CTTNBP2NL: variants seen among roughly 807,000 people sequenced by gnomAD.
CTTNBP2NL encodes CTTNBP2 N-terminal-like protein.
CTTNBP2NL carries 16 observed loss-of-function variants against 32.5 expected under a neutral mutation model. The observed-to-expected ratio is 0.49, with a 90% confidence interval of 0.33 to 0.75. The LOEUF is 0.75. Among genes scored for constraint, CTTNBP2NL ranks in the 30% least tolerant of loss-of-function variants. The probability of loss-of-function intolerance (pLI) is 0.02; values close to 1 mark genes in which losing one functional copy is unlikely to be tolerated. For synonymous variants in CTTNBP2NL, 298 were observed against 289.4 expected, an observed-to-expected ratio of 1.03 and a Z score of -0.30; for missense variants, 645 against 756.0, an observed-to-expected ratio of 0.85 and a Z score of 1.72.
intron 4 of CTTNBP2NL, among the ~76,000 whole-genome samples, chr1:112,452,335 CT>C (rs1157736195): frequency 0.21 from 13,505 of 65,600 alleles, 978 homozygotes; most frequent in East Asian, 0.37. Flanking sequence ...CCAGTCTCTT[CT>C]TTTTTTTTTT....
At chr1:112,454,339 G>GT in intron 4 of CTTNBP2NL, 110 bp from the exon 5 acceptor site, 1 of 736,798 alleles carries the variant, frequency 1.4e-6, no homozygotes, top group South Asian at 1.8e-5. Flanking sequence ...TCGTTTGTTT[G>GT]TTTGATCTCT....
chr1:112,437,790 TG>T (rs1271950683), intron 3 of CTTNBP2NL, among the ~76,000 whole-genome samples: 4 of 152,186 alleles, frequency 2.6e-5, no homozygotes, highest in Non-Finnish European at 5.9e-5. Flanking sequence ...CCCAAAGTCC[TG>T]GGATTGCAGG....
Position 112,454,472 on chromosome 1 carries a change from A to G in CTTNBP2NL, c.354A>G (p.Glu118=). 6.2e-7 allele frequency: 1 copy of G among 1,613,996 alleles called. No individual in the cohort carries two copies. The highest frequency in any genetic ancestry group is 8.5e-7 in the Non-Finnish European group (1 of 1,179,860). The change falls in exon 5 of 6, where the codon GAA becomes GAG. Residue 118 remains glutamate, a synonymous_variant. Coordinates refer to ENST00000271277, the MANE Select transcript of CTTNBP2NL (RefSeq NM_018704.3). The part of the protein sequence containing the change: ...HRKVILDLEE[E]RQRHAQDTAE... ...AGGTGATCCTAGACCTTGAGGAAGA[A>G]AGGCAGCGGCATGCACAGGATACGG...
In CTTNBP2NL at chr1:112,461,002, A is replaced by G. The variant is rs981809704; in HGVS notation, c.*3590A>G. On this transcript the variant is annotated 3_prime_UTR_variant, in exon 6 of 6. Coordinates refer to ENST00000271277, the MANE Select transcript of CTTNBP2NL (RefSeq NM_018704.3). ...TTCAAAACACTGGCTTCAAAATAGGATGTGTTTTCCTAATGAATCAGAAGT... is the reference window on the plus strand; with the variant it reads ...TTCAAAACACTGGCTTCAAAATAGGGTGTGTTTTCCTAATGAATCAGAAGT... 5 of 152,128 alleles carry G rather than the reference A, an allele frequency of 3.3e-5. No individual in the cohort carries two copies. 9.4% of individuals were successfully genotyped at this position (152,128 alleles called of 1,614,324 possible). A position where few individuals can be genotyped will look rare whatever the true frequency, so the allele number is the denominator to read the frequency against.
chr1:112,444,082 T>C (rs767953076), intron 3 of CTTNBP2NL, among the ~76,000 whole-genome samples: 11 of 152,238 alleles, frequency 7.2e-5, no homozygotes, highest in Non-Finnish European at 1.3e-4. Flanking sequence ...CTGATTACTT[T>C]TTAAAATATC....
intron 3 of CTTNBP2NL, among the ~76,000 whole-genome samples, chr1:112,428,069 G>T (rs1005341921): frequency 2.0e-5 from 3 of 151,740 alleles, no homozygotes; most frequent in African/African-American, 7.3e-5. Flanking sequence ...TCAATTATAA[G>T]CATTTATATA....
At chr1:112,448,353 G>A (rs1364044113) in intron 3 of CTTNBP2NL, among the ~76,000 whole-genome samples, 1 of 152,196 alleles carries the variant, frequency 6.6e-6, no homozygotes, top group East Asian at 1.9e-4. Context: ...GTCCTAGATT[G>A]TAATGTGATC....
At chr1:112,423,746 C>T (rs1486457475) in intron 3 of CTTNBP2NL, among the ~76,000 whole-genome samples, 3 of 152,088 alleles carry the variant, frequency 2.0e-5, no homozygotes, top group African/African-American at 7.2e-5. Flanking sequence ...TTTTTTGAGA[C>T]GGAGTCTCGC....
chr1:112,395,969 G>A (rs1452965198), upstream of CTTNBP2NL, among the ~76,000 whole-genome samples: 1 of 152,256 alleles, frequency 6.6e-6, no homozygotes, highest in African/African-American at 2.4e-5. Context: ...GCCGGGAGGG[G>A]CGCGAGCCCA....
intron 2 of CTTNBP2NL, among the ~76,000 whole-genome samples, chr1:112,413,440 G>A (rs1018712): frequency 0.56 from 85,310 of 151,956 alleles, 24,906 homozygotes; most frequent in South Asian, 0.71. Flanking sequence ...GTGGTAAGAT[G>A]TTCTACATTT....
chr1:112,451,930 G>C (rs17030330), intron 4 of CTTNBP2NL, among the ~76,000 whole-genome samples: 7,000 of 152,076 alleles, frequency 0.046, 535 homozygotes, highest in African/African-American at 0.16. Context: ...CTCCTTCAAA[G>C]TAAAGTAGTT....
chr1:112,410,238 T>G (rs542052969), intron 1 of CTTNBP2NL, among the ~76,000 whole-genome samples: 30 of 152,078 alleles, frequency 2.0e-4, no homozygotes, highest in African/African-American at 7.0e-4. Flanking sequence ...ACTAAAAATA[T>G]AAAATCAGCT....
rs575311804 is a variant in CTTNBP2NL at position 112,459,820 on chromosome 1, G to A, written c.*2408G>A. ...CTTTGTTTTGGGATAGATATATATA[G>A]AGAGAGATACTATAAGGAAGTTTAT... is the stretch of plus-strand genomic sequence containing the variant. On this transcript the variant is annotated 3_prime_UTR_variant, in exon 6 of 6. Coordinates refer to ENST00000271277, the MANE Select transcript of CTTNBP2NL (RefSeq NM_018704.3). The A allele has an allele frequency of 6.6e-6, 1 of 152,148 alleles. No homozygotes were observed. Among genetic ancestry groups the A allele is most frequent in the Non-Finnish European group, 1.5e-5 (1 of 68,030 alleles). 9.4% of individuals were successfully genotyped at this position (152,148 alleles called of 1,614,324 possible).
At chr1:112,440,971 T>A (rs1649875573) in intron 3 of CTTNBP2NL, among the ~76,000 whole-genome samples, 1 of 152,254 alleles carries the variant, frequency 6.6e-6, no homozygotes, top group South Asian at 2.1e-4. Context: ...TTGGAAATAC[T>A]GTATGTAAAA....
At chr1:112,409,127 CAAA>C (rs36002206) in intron 1 of CTTNBP2NL, among the ~76,000 whole-genome samples, 2 of 80,232 alleles carry the variant, frequency 2.5e-5, no homozygotes, top group Admixed American at 1.4e-4. Flanking sequence ...GACTCTGTCT[CAAA>C]AAAAAAAAAA....
At position 112,430,458 on chromosome 1, in the gene CTTNBP2NL, G is replaced by A. The variant is rs59415510; in HGVS notation, c.99+14194G>A. ...TCGCCATTTTGCCCAGGCTGGTCTC[G>A]AACTCCTGACCTCAAGTGATCCACC... On this transcript the variant is annotated intron_variant, in intron 3 of 5. Transcript: ENST00000271277. 3.2e-3 allele frequency among the ~76,000 whole-genome samples: 482 copies of A among 151,542 alleles called. 1 individual carries two copies. Among genetic ancestry groups the A allele is most frequent in the African/African-American group, 0.011 (449 of 41,256 alleles).
intron 1 of CTTNBP2NL, among the ~76,000 whole-genome samples, chr1:112,411,623 TGA>T (rs1361348350): frequency 2.0e-5 from 3 of 151,946 alleles, no homozygotes; most frequent in Admixed American, 6.6e-5. Flanking sequence ...TGTTGGGAGG[TGA>T]GGAGATGAGA....
At chr1:112,421,059 C>T (rs1224663476) in intron 3 of CTTNBP2NL, among the ~76,000 whole-genome samples, 2 of 152,108 alleles carry the variant, frequency 1.3e-5, no homozygotes, top group Admixed American at 6.6e-5. Flanking sequence ...GCTCAGTGCT[C>T]ATTTACTGTT....
intron 3 of CTTNBP2NL, 56 bp from the exon 4 acceptor site, chr1:112,448,886 C>T (rs1377096008): frequency 2.1e-6 from 2 of 971,944 alleles, no homozygotes; most frequent in Non-Finnish European, 3.3e-6. Context: ...ATAGCAAATC[C>T]CCCTTCCTCA....
Sources: allele counts gnomAD v4.1 joint callset (sites outside exome capture counted in the v4.1 genomes callset), GRCh38; gene constraint gnomAD v4.1.1; transcripts MANE v1.5; gene names NCBI Gene and HGNC (gene_info 2026-07-23, HGNC 2026-07-21).